Variants in NMNAT3 observed in about 807,000 individuals in gnomAD.
NMNAT3 encodes nicotinamide nucleotide adenylyltransferase 3.
A neutral mutation model predicts 24.8 loss-of-function variants in NMNAT3; 21 were observed. That is an observed-to-expected ratio of 0.85 (90% confidence interval 0.60 to 1.22). The LOEUF is 1.22. Among genes scored for constraint, NMNAT3 ranks in the 50% most tolerant of loss-of-function variants. The pLI, the probability that NMNAT3 is intolerant of heterozygous loss-of-function variation, is 0.00. For synonymous variants in NMNAT3, 136 were observed against 155.2 expected (o/e 0.88, Z 0.92); for missense variants, 387 against 436.6 (o/e 0.89, Z 1.01).
intron 3 of NMNAT3, chr3:139,583,269 T>G (rs1234121890): frequency 1.6e-6 from 2 of 1,230,114 alleles, no homozygotes; most frequent in African/African-American, 3.0e-5. Context: ...TTTGCATGTA[T>G]AGCAGTACTT....
At chr3:139,593,490 C>T (rs1189698496) in intron 3 of NMNAT3, among the ~76,000 whole-genome samples, 1 of 152,178 alleles carries the variant, frequency 6.6e-6, no homozygotes, top group Non-Finnish European at 1.5e-5. Flanking sequence ...GTCTCTACCC[C>T]AAATCAACAG....
intron 4 of NMNAT3, among the ~76,000 whole-genome samples, chr3:139,581,439 G>A (rs1345967617): frequency 6.6e-6 from 1 of 151,704 alleles, no homozygotes; most frequent in African/African-American, 2.4e-5. Context: ...AACAAGTAGT[G>A]TAAATGTCCA....
intron 3 of NMNAT3, among the ~76,000 whole-genome samples, chr3:139,610,515 A>G (rs2055160398): frequency 6.6e-6 from 1 of 152,242 alleles, no homozygotes; most frequent in South Asian, 2.1e-4. Context: ...TTCTCCAGAA[A>G]AATCTTTTAA....
Position 139,583,050 on chromosome 3 carries a change from C to T in NMNAT3, c.268G>A (p.Glu90Lys). 1 of 1,607,718 alleles carries T rather than the reference C, an allele frequency of 6.2e-7. No individual in the cohort carries two copies. Among genetic ancestry groups the T allele is most frequent in the Non-Finnish European group, 8.5e-7 (1 of 1,176,630 alleles). ...TTCAAATCACAGAACGCTTGTTCTT[C>T]AGTTCTTTTGCGTTTAAAAGATGAC... The change falls in exon 4 of 7, where the codon GAA becomes AAA. Residue 90 changes from glutamate to lysine, a missense_variant. Around this residue, in one of 3 missense-constraint regions of NMNAT3, gnomAD observed 323 missense variants for 345.2 expected, o/e 0.94. Coordinates refer to ENST00000643695, the MANE Select transcript of NMNAT3 (RefSeq NM_001320510.2).
At chr3:139,631,474 T>C (rs17314168) in intron 2 of NMNAT3, among the ~76,000 whole-genome samples, 48,647 of 151,998 alleles carry the variant, frequency 0.32, 9,544 homozygotes, top group South Asian at 0.56. Context: ...ACGGAGCAAG[T>C]GAGGGAGACT....
At position 139,641,599 on chromosome 3, in the gene NMNAT3, G is replaced by A. The variant is rs77025251; in HGVS notation, c.-140-3537C>T. 6.2e-3 allele frequency among the ~76,000 whole-genome samples: 949 copies of A among 152,246 alleles called. 11 individuals are homozygous for A. Among genetic ancestry groups the A allele is most frequent in the African/African-American group, 0.022 (916 of 41,526 alleles). On this transcript the variant is annotated intron_variant, in intron 1 of 6. Coordinates refer to ENST00000643695, the MANE Select transcript of NMNAT3 (RefSeq NM_001320510.2). Reference sequence around the variant, plus strand: ...CAGAGGTTGGGATAAAGCCCAAGGAGGACATATGAAGGTAACAACCCCAAA... The same window carrying A: ...CAGAGGTTGGGATAAAGCCCAAGGAAGACATATGAAGGTAACAACCCCAAA...
At chr3:139,594,333 C>T (rs140257536) in intron 3 of NMNAT3, among the ~76,000 whole-genome samples, 569 of 152,192 alleles carry the variant, frequency 3.7e-3, no homozygotes, top group African/African-American at 0.013. Flanking sequence ...GCTTACCAAC[C>T]GAAAAGAGTC....
rs144027431 is a variant in NMNAT3 at position 139,604,118 on chromosome 3, C to T, written c.110-20910G>A. On this transcript the variant is annotated intron_variant, in intron 3 of 6. Coordinates refer to ENST00000643695, the MANE Select transcript of NMNAT3 (RefSeq NM_001320510.2). ...TGACAGGAGGCAAAGATGTCACACA[C>T]GACTGCATGTCAGCTAAACTCATTG... Among the ~76,000 whole-genome samples, 1,151 of 152,278 alleles carry T rather than the reference C, an allele frequency of 7.6e-3. 4 individuals are homozygous for T. The highest frequency in any genetic ancestry group is 0.02 in the Middle Eastern group (6 of 294).
intron 1 of NMNAT3, among the ~76,000 whole-genome samples, chr3:139,668,631 T>C (rs1247791635): frequency 2.6e-5 from 4 of 152,212 alleles, no homozygotes; most frequent in African/African-American, 4.8e-5. Context: ...AGGGAGACTA[T>C]GAAAACTTCC....
chr3:139,563,060 T>C (rs147711709), intron 6 of NMNAT3, among the ~76,000 whole-genome samples: 301 of 152,288 alleles, frequency 2.0e-3, no homozygotes, highest in East Asian at 0.015. Context: ...CACTTATCCA[T>C]TTACTCATTT....
chr3:139,627,562 C>A, intron 3 of NMNAT3, 54 bp downstream of exon 4: 1 of 1,013,090 alleles, frequency 9.9e-7, no homozygotes, highest in East Asian at 2.6e-5. Flanking sequence ...CAGAAAAGCC[C>A]CATGAAGCCT....
intron 3 of NMNAT3, among the ~76,000 whole-genome samples, chr3:139,586,391 T>A (rs1288013465): frequency 1.3e-5 from 2 of 152,078 alleles, no homozygotes; most frequent in Admixed American, 6.5e-5. Context: ...TTAAAAAAGG[T>A]GAAGTGTGGA....
intron 3 of NMNAT3, among the ~76,000 whole-genome samples, chr3:139,595,430 A>G (rs1182449714): frequency 1.3e-5 from 2 of 152,342 alleles, no homozygotes; most frequent in East Asian, 3.9e-4. Context: ...CAAGCTACCA[A>G]TGACTTTCTT....
intron 3 of NMNAT3, among the ~76,000 whole-genome samples, chr3:139,601,507 T>A (rs2054715358): frequency 6.6e-6 from 1 of 152,240 alleles, no homozygotes; most frequent in Non-Finnish European, 1.5e-5. Flanking sequence ...GAAATATCAG[T>A]AGAATCTGAA....
At chr3:139,598,535 G>C (rs1054117968) in intron 3 of NMNAT3, among the ~76,000 whole-genome samples, 18 of 152,086 alleles carry the variant, frequency 1.2e-4, no homozygotes, top group Non-Finnish European at 4.4e-5. Flanking sequence ...CCAACTGCCA[G>C]ACACATGAAT....
chr3:139,645,732 C>T (rs2056849435), intron 1 of NMNAT3, among the ~76,000 whole-genome samples: 1 of 152,106 alleles, frequency 6.6e-6, no homozygotes, highest in African/African-American at 2.4e-5. Flanking sequence ...CAAACTATCA[C>T]AAGGAAAACT....
intron 4 of NMNAT3, among the ~76,000 whole-genome samples, chr3:139,579,529 G>T (rs1287634266): frequency 6.6e-6 from 1 of 152,214 alleles, no homozygotes; most frequent in Non-Finnish European, 1.5e-5. Context: ...GTGAACCAGG[G>T]TTGGTGGGTA....
intron 3 of NMNAT3, among the ~76,000 whole-genome samples, chr3:139,615,203 A>G (rs1278932002): frequency 1.3e-5 from 2 of 152,156 alleles, no homozygotes; most frequent in African/African-American, 4.8e-5. Flanking sequence ...TTGGTACCAC[A>G]AAATGTTCCA....
At chr3:139,662,791 G>A (rs2057457703) in intron 1 of NMNAT3, among the ~76,000 whole-genome samples, 2 of 152,122 alleles carry the variant, frequency 1.3e-5, no homozygotes, top group Non-Finnish European at 2.9e-5. Context: ...ACAGACTTTG[G>A]TTCTTCAGAC....
Sources: gnomAD v4.1 joint callset for allele counts (sites outside exome capture counted in the v4.1 genomes callset) on GRCh38, gnomAD v4.1.1 for gene constraint, gnomAD v4.1.1 regional missense constraint, MANE v1.5 for transcripts, NCBI Gene and HGNC (gene_info 2026-07-23, HGNC 2026-07-21) for gene names.